The following MARCHF1 variants were observed in gnomAD, a reference collection of about 807,000 sequenced individuals.
The protein encoded by MARCHF1 is E3 ubiquitin-protein ligase MARCHF1.
Under a neutral mutation model 54.2 loss-of-function variants are expected in MARCHF1, and 40 were observed. The ratio of observed to expected loss-of-function variants is 0.74; its 90% CI spans 0.57 to 0.96. The LOEUF (loss-of-function observed/expected upper bound fraction) is 0.96. Among genes scored for constraint, MARCHF1 ranks in the 40% least tolerant of loss-of-function variants. MARCHF1 has a pLI of 0.00. For missense variants in MARCHF1, 586 were observed against 656.5 expected (o/e 0.89, Z 1.17); for synonymous variants, 236 against 236.3 (o/e 1.00, Z 0.01).
intron 7 of MARCHF1, among the ~76,000 whole-genome samples, chr4:163,611,159 C>A (rs897436262): frequency 6.6e-6 from 1 of 151,992 alleles, no homozygotes; most frequent in Admixed American, 6.6e-5. Flanking sequence ...ATGTTAGAAA[C>A]TATACAAATC....
At chr4:163,845,237 G>C (rs1214982723) in intron 4 of MARCHF1, among the ~76,000 whole-genome samples, 2 of 151,910 alleles carry the variant, frequency 1.3e-5, no homozygotes, top group Non-Finnish European at 2.9e-5. Context: ...CTTTTACATG[G>C]AAACAGCTCT....
rs151325919 is a variant in MARCHF1 at position 163,592,639 on chromosome 4, T to A, written c.1011-6710A>T. Among the ~76,000 whole-genome samples, 16 of 152,214 alleles carry A rather than the reference T, an allele frequency of 1.1e-4. No individual in the cohort carries two copies. In the East Asian group the frequency reaches 3.1e-3, roughly 29 times the overall value. ...CAAGTCTTATTTGAATTCACAGACA[T>A]TGAATTCTGCAATGGATTGGGAAGA... is the stretch of plus-strand genomic sequence containing the variant. On this transcript the variant is annotated intron_variant, in intron 7 of 9. Transcript: ENST00000514618.
intron 3 of MARCHF1, among the ~76,000 whole-genome samples, chr4:163,903,778 A>AT (rs1720087811): frequency 1.3e-5 from 2 of 151,756 alleles, no homozygotes; most frequent in African/African-American, 4.8e-5. Flanking sequence ...ACGCCAGCTA[A>AT]TTTTTTTGTA....
chr4:164,208,407 G>A (rs574291129), intron 1 of MARCHF1, among the ~76,000 whole-genome samples: 74 of 152,218 alleles, frequency 4.9e-4, no homozygotes, highest in African/African-American at 1.5e-3. Flanking sequence ...ATGCACAGCC[G>A]TAAGCATCTA....
chr4:164,243,766 C>T (rs377283394), intron 1 of MARCHF1, among the ~76,000 whole-genome samples: 862 of 137,216 alleles, frequency 6.3e-3, no homozygotes, highest in African/African-American at 0.019. Context: ...GAGGAAGATC[C>T]ACCAAGCCAA....
chr4:164,211,170 C>G (rs1731758782), intron 1 of MARCHF1, among the ~76,000 whole-genome samples: 1 of 151,742 alleles, frequency 6.6e-6, no homozygotes, highest in Non-Finnish European at 1.5e-5. Context: ...TAATAATGCA[C>G]TGTGTATTTC....
In MARCHF1 at chr4:163,624,155, T is replaced by C. The variant is rs76606456; in HGVS notation, c.163-10762A>G. Among the ~76,000 whole-genome samples the C allele has an allele frequency of 5.3e-5, 8 of 152,240 alleles. No individual in the cohort carries two copies. The East Asian group carries it at 1.5e-3, about 29-fold the overall frequency. On this transcript the variant is annotated intron_variant, in intron 5 of 9. Transcript: ENST00000514618. ...TGCAGTTGTTAACTGTTCCAAGGCT[T>C]TGGTTAACTGCCTTGGAAACATCTG...
At chr4:163,683,278 G>A (rs530441948) in intron 5 of MARCHF1, among the ~76,000 whole-genome samples, 21 of 152,276 alleles carry the variant, frequency 1.4e-4, no homozygotes, top group East Asian at 5.8e-4. Context: ...CATGGTGGTC[G>A]ACAAGAGAAG....
At chr4:164,322,321 T>C (rs887134856) in intron 1 of MARCHF1, among the ~76,000 whole-genome samples, 9 of 152,036 alleles carry the variant, frequency 5.9e-5, no homozygotes, top group South Asian at 2.1e-4. Context: ...GAAATCAAAG[T>C]GATAAAGAAA....
chr4:164,084,317 C>T (rs924375787), intron 2 of MARCHF1, among the ~76,000 whole-genome samples: 35 of 151,762 alleles, frequency 2.3e-4, no homozygotes, highest in Non-Finnish European at 3.8e-4. Context: ...TTACTTTCCC[C>T]GGCTGTACCA....
intron 1 of MARCHF1, among the ~76,000 whole-genome samples, chr4:164,168,495 A>G (rs2110966588): frequency 6.6e-6 from 1 of 152,222 alleles, no homozygotes; most frequent in African/African-American, 2.4e-5. Flanking sequence ...AAAAATTTTA[A>G]TGTCATATAT....
At chr4:164,014,297 C>G (rs1753491301) in intron 2 of MARCHF1, among the ~76,000 whole-genome samples, 3 of 151,552 alleles carry the variant, frequency 2.0e-5, no homozygotes, top group African/African-American at 7.3e-5. Flanking sequence ...TTGCTTTTTT[C>G]CCTTTCTTTG....
chr4:163,616,327 T>G (rs1741509123), intron 5 of MARCHF1, among the ~76,000 whole-genome samples: 1 of 152,084 alleles, frequency 6.6e-6, no homozygotes, highest in Admixed American at 6.6e-5. Context: ...GTCTGTAGCA[T>G]GGGAGAAAAT....
At chr4:164,302,017 C>T (rs1413681182) in intron 1 of MARCHF1, among the ~76,000 whole-genome samples, 6 of 152,134 alleles carry the variant, frequency 3.9e-5, no homozygotes, top group African/African-American at 7.2e-5. Context: ...GGAGTATGGA[C>T]GTATCAGTCT....
chr4:163,787,851 A>G (rs1345498210), intron 4 of MARCHF1, among the ~76,000 whole-genome samples: 1 of 152,046 alleles, frequency 6.6e-6, no homozygotes, highest in Non-Finnish European at 1.5e-5. Flanking sequence ...ATGAATGGAT[A>G]ACAAAAACAT....
chr4:163,675,323 T>C (rs978109274), intron 5 of MARCHF1, among the ~76,000 whole-genome samples: 1 of 152,226 alleles, frequency 6.6e-6, no homozygotes, highest in Non-Finnish European at 1.5e-5. Flanking sequence ...TTTCAGAATT[T>C]TTGTTAAGCT....
rs529088540 is a variant in MARCHF1 at position 164,081,805 on chromosome 4, G to T, written c.-248+29783C>A. 5.9e-5 allele frequency among the ~76,000 whole-genome samples: 9 copies of T among 152,104 alleles called. No individual in the cohort carries two copies. In the South Asian group the frequency reaches 1.9e-3, roughly 31 times the overall value. Reference sequence around the variant, plus strand: ...GAGCTCTTGGGAAATTTGTTCACTAGACCTTTAGCTACTTAAGTGTTTTGC... The same window carrying T: ...GAGCTCTTGGGAAATTTGTTCACTATACCTTTAGCTACTTAAGTGTTTTGC... On this transcript the variant is annotated intron_variant, in intron 2 of 9. Transcript: ENST00000514618.
intron 5 of MARCHF1, among the ~76,000 whole-genome samples, chr4:163,682,481 T>C (rs78554875): frequency 0.017 from 2,652 of 152,274 alleles, 85 homozygotes; most frequent in African/African-American, 0.061. Flanking sequence ...AGAAATGGTT[T>C]AGTGCCGCGG....
At chr4:163,993,927 T>G (rs1177986967) in intron 2 of MARCHF1, among the ~76,000 whole-genome samples, 1 of 152,086 alleles carries the variant, frequency 6.6e-6, no homozygotes, top group Non-Finnish European at 1.5e-5. Context: ...AAAAGACATA[T>G]GGAATGAAAA....
Sources: gnomAD v4.1 joint callset for allele counts (sites outside exome capture counted in the v4.1 genomes callset) on GRCh38, gnomAD v4.1.1 for gene constraint, MANE v1.5 for transcripts, NCBI Gene and HGNC (gene_info 2026-07-23, HGNC 2026-07-21) for gene names.